Variants in GLIPR1L1 observed in about 807,000 individuals in gnomAD.
GLIPR1L1 encodes the protein GLIPR1 like 1.
Under a neutral mutation model 29.9 loss-of-function variants are expected in GLIPR1L1, and 26 were observed. The observed-to-expected ratio is 0.87, with a 90% CI of 0.64 to 1.21. The LOEUF is 1.21. GLIPR1L1 is among the 50% of genes most tolerant of loss of function. GLIPR1L1 has a pLI of 0.00. For synonymous variants in GLIPR1L1, 77 were observed against 97.5 expected, an observed-to-expected ratio of 0.79 and a Z score of 1.24; for missense variants, 305 against 290.3, an observed-to-expected ratio of 1.05 and a Z score of -0.37.
At chr12:75,344,909 G>C (rs761120404) in intron 2 of GLIPR1L1, among the ~76,000 whole-genome samples, 1 of 152,094 alleles carries the variant, frequency 6.6e-6, no homozygotes, top group Non-Finnish European at 1.5e-5. Flanking sequence ...CTAATACCCT[G>C]AGAATTATGA....
intron 3 of GLIPR1L1, among the ~76,000 whole-genome samples, chr12:75,357,808 A>G (rs976037685): frequency 1.3e-5 from 2 of 151,972 alleles, no homozygotes; most frequent in African/African-American, 4.8e-5. Context: ...TGCTGAACTG[A>G]ATGAAATTAA....
chr12:75,356,277 A>T (rs1292882335), intron 3 of GLIPR1L1, among the ~76,000 whole-genome samples: 3 of 152,214 alleles, frequency 2.0e-5, no homozygotes, highest in Non-Finnish European at 4.4e-5. Context: ...TACACAGAAA[A>T]TCTTTTAAAA....
intron 1 of GLIPR1L1, among the ~76,000 whole-genome samples, chr12:75,342,126 G>A (rs561764926): frequency 1.9e-3 from 295 of 152,264 alleles, no homozygotes; most frequent in Non-Finnish European, 3.0e-3. Flanking sequence ...AAGATAGTGT[G>A]GGTAGTGAGT....
chr12:75,347,541 A>G, intron 2 of GLIPR1L1, 81 bp from the exon 3 acceptor site: 3 of 815,570 alleles, frequency 3.7e-6, no homozygotes, highest in Non-Finnish European at 6.1e-6. Flanking sequence ...TAGCATGACA[A>G]AGATTATACC....
At chr12:75,369,575 A>T (rs1489441633) in intron 4 of GLIPR1L1, 2 of 984,504 alleles carry the variant, frequency 2.0e-6, no homozygotes, top group Non-Finnish European at 2.4e-6. Flanking sequence ...AGTAAGGACC[A>T]TTACAGAAAT....
intron 2 of GLIPR1L1, 127 bp downstream of exon 2, chr12:75,344,065 G>A: frequency 2.9e-6 from 2 of 679,894 alleles, no homozygotes; most frequent in Non-Finnish European, 4.7e-6. Context: ...TTTATCATAG[G>A]TCTTGAGCAA....
chr12:75,360,805 G>A (rs977331313), intron 3 of GLIPR1L1: 14 of 152,188 alleles, frequency 9.2e-5, no homozygotes, highest in African/African-American at 3.1e-4. Flanking sequence ...CCCTAGTAGA[G>A]GTTCTCCATG....
chr12:75,341,689 G>A (rs1042233082), intron 1 of GLIPR1L1, among the ~76,000 whole-genome samples: 7 of 150,262 alleles, frequency 4.7e-5, no homozygotes, highest in South Asian at 2.1e-4. Flanking sequence ...CTCGTGATCC[G>A]CCCGCATCGG....
rs916394805 is a variant in GLIPR1L1, at chr12:75,362,750, CAT to C, written c.522-351_522-350del. 4.9e-4 allele frequency among the ~76,000 whole-genome samples: 74 copies of C among 152,240 alleles called. 1 individual carries two copies. Among genetic ancestry groups the C allele is most frequent in the Non-Finnish European group, 3.7e-4 (25 of 68,004 alleles). ...TACTTTAAAATTAAAACATAAAACA[CAT>C]GTTTATGTTCATACTTAAATATTAC... On this transcript the variant is annotated intron_variant, in intron 3 of 5. Coordinates refer to ENST00000378695, the MANE Select transcript of GLIPR1L1 (RefSeq NM_001304964.2).
chr12:75,353,545 C>T (rs117972313), intron 3 of GLIPR1L1, among the ~76,000 whole-genome samples: 28,682 of 152,124 alleles, frequency 0.19, 3,167 homozygotes, highest in Middle Eastern at 0.26. Context: ...GACAGATTTA[C>T]AGCTGAATTC....
chr12:75,343,373 A>T (rs186080656), intron 1 of GLIPR1L1, among the ~76,000 whole-genome samples: 127 of 152,136 alleles, frequency 8.3e-4, no homozygotes, highest in African/African-American at 2.9e-3. Context: ...ATAAATTAAC[A>T]TGACCTTCTG....
intron 4 of GLIPR1L1, among the ~76,000 whole-genome samples, chr12:75,365,705 C>T (rs1441669965): frequency 1.3e-5 from 2 of 152,008 alleles, no homozygotes; most frequent in Non-Finnish European, 2.9e-5. Context: ...TAATAGTTCA[C>T]CTACAGTATT....
At chr12:75,355,489 G>A (rs2043095379) in intron 3 of GLIPR1L1, among the ~76,000 whole-genome samples, 1 of 152,176 alleles carries the variant, frequency 6.6e-6, no homozygotes, top group Non-Finnish European at 1.5e-5. Flanking sequence ...TGGTGAGGTT[G>A]TGGAGAAATA....
chr12:75,341,785 T>C (rs1029991850), intron 1 of GLIPR1L1, among the ~76,000 whole-genome samples: 7 of 137,806 alleles, frequency 5.1e-5, no homozygotes. Context: ...ATGGAGTCTC[T>C]GTCACCCAGA....
intron 1 of GLIPR1L1, among the ~76,000 whole-genome samples, chr12:75,338,503 T>C (rs1028747365): frequency 6.6e-6 from 1 of 152,206 alleles, no homozygotes; most frequent in Non-Finnish European, 1.5e-5. Flanking sequence ...CAATTCCTTT[T>C]ATTTCATTTT....
At chr12:75,354,496 G>C (rs1359548486) in intron 3 of GLIPR1L1, among the ~76,000 whole-genome samples, 2 of 152,110 alleles carry the variant, frequency 1.3e-5, no homozygotes, top group Non-Finnish European at 2.9e-5. Context: ...ACAAACAAAT[G>C]AAAAAACATT....
intron 3 of GLIPR1L1, among the ~76,000 whole-genome samples, chr12:75,361,647 G>C (rs1432364750): frequency 6.6e-6 from 1 of 152,188 alleles, no homozygotes; most frequent in Non-Finnish European, 1.5e-5. Context: ...GAAGGTGAAG[G>C]GGAAGCCAGA....
chr12:75,346,386 A>G (rs1468395445), intron 2 of GLIPR1L1, among the ~76,000 whole-genome samples: 1 of 152,136 alleles, frequency 6.6e-6, no homozygotes, highest in Non-Finnish European at 1.5e-5. Context: ...GATGGCTGAA[A>G]GCAAAACTCT....
In GLIPR1L1 at chr12:75,343,954, C is replaced by A. The variant is rs777077332; in HGVS notation, c.420+16C>A. The A allele has an allele frequency of 1.3e-6, 2 of 1,578,206 alleles. No individual in the cohort carries two copies. Among genetic ancestry groups the A allele is most frequent in the South Asian group, 1.1e-5 (1 of 87,874 alleles). Reference sequence around the variant, plus strand: ...TTATACACAGGTAAATATTTGACATCTTTATTGATTAGTTCTTATTTGTGC... The same window carrying A: ...TTATACACAGGTAAATATTTGACATATTTATTGATTAGTTCTTATTTGTGC... On this transcript the variant is annotated intron_variant, in intron 2 of 5. Transcript: ENST00000378695.
Sources: gnomAD v4.1 joint callset for allele counts (sites outside exome capture counted in the v4.1 genomes callset) on GRCh38, gnomAD v4.1.1 for gene constraint, MANE v1.5 for transcripts, NCBI Gene and HGNC (gene_info 2026-07-23, HGNC 2026-07-21) for gene names.